The following MACROD2 variants were observed in gnomAD, a reference collection of about 807,000 sequenced individuals.
The protein encoded by MACROD2 is ADP-ribose glycohydrolase MACROD2.
MACROD2 carries 36 observed loss-of-function variants against 70.4 expected under a neutral mutation model. The observed-to-expected ratio is 0.51, with a 90% CI of 0.39 to 0.68. MACROD2 has a LOEUF of 0.68. Among genes scored for constraint, MACROD2 ranks in the 30% least tolerant of loss-of-function variants. MACROD2 has a pLI of 0.00. For synonymous variants in MACROD2, 172 were observed against 178.8 expected (o/e 0.96, Z 0.30); for missense variants, 496 against 538.4 (o/e 0.92, Z 0.78).
intron 8 of MACROD2, among the ~76,000 whole-genome samples, chr20:15,532,591 C>G (rs2047818598): frequency 6.9e-6 from 1 of 144,184 alleles, no homozygotes; most frequent in Admixed American, 6.9e-5. Flanking sequence ...AATTTTTTCT[C>G]TAAGTATACC....
chr20:14,652,927 C>T (rs1444934153), intron 4 of MACROD2, among the ~76,000 whole-genome samples: 1 of 152,128 alleles, frequency 6.6e-6, no homozygotes, highest in Non-Finnish European at 1.5e-5. Context: ...GCCTGTGTTG[C>T]AGTATAGCAA....
intron 3 of MACROD2, among the ~76,000 whole-genome samples, chr20:14,179,270 C>T (rs1166646444): frequency 2.0e-5 from 3 of 152,104 alleles, no homozygotes; most frequent in African/African-American, 7.2e-5. Context: ...TGAAATCTTT[C>T]TGATTGTAAG....
At chr20:15,727,997 T>G (rs1455965639) in intron 8 of MACROD2, among the ~76,000 whole-genome samples, 3 of 151,930 alleles carry the variant, frequency 2.0e-5, no homozygotes, top group African/African-American at 7.2e-5. Flanking sequence ...AGGGGAATGC[T>G]TCCAGCTTTT....
At chr20:15,201,724 C>G (rs2076657629) in intron 5 of MACROD2, among the ~76,000 whole-genome samples, 1 of 152,194 alleles carries the variant, frequency 6.6e-6, no homozygotes, top group Non-Finnish European at 1.5e-5. Context: ...ATTGCTAAGT[C>G]CTCCCTCCAC....
chr20:15,095,548 T>C (rs2075824603), intron 5 of MACROD2, among the ~76,000 whole-genome samples: 1 of 151,604 alleles, frequency 6.6e-6, no homozygotes, highest in Non-Finnish European at 1.5e-5. Flanking sequence ...GACAGGGTCT[T>C]GCTCTGTAGC....
Position 15,337,482 on chromosome 20 carries a change from T to C in MACROD2, c.541-93923T>C, listed in dbSNP as rs188326243. Among the ~76,000 whole-genome samples the C allele has an allele frequency of 1.6e-3, 240 of 151,938 alleles. 5 individuals carry two copies. The highest frequency in any genetic ancestry group is 5.6e-3 in the African/African-American group (229 of 41,188). ...AACGTCTGCATAAAGGTTTTATTTATGTTTTAATTGACTAATAAAAATTAC... is the reference window on the plus strand; with the variant it reads ...AACGTCTGCATAAAGGTTTTATTTACGTTTTAATTGACTAATAAAAATTAC... On this transcript the variant is annotated intron_variant, in intron 6 of 17. Transcript: ENST00000684519.
chr20:14,829,964 A>G (rs1044903876), intron 5 of MACROD2, among the ~76,000 whole-genome samples: 10 of 152,152 alleles, frequency 6.6e-5, no homozygotes, highest in Non-Finnish European at 1.2e-4. Context: ...AGAATATTGC[A>G]TGATGTAATA....
chr20:14,267,223 T>C (rs2082151438), intron 3 of MACROD2, among the ~76,000 whole-genome samples: 1 of 152,174 alleles, frequency 6.6e-6, no homozygotes, highest in Non-Finnish European at 1.5e-5. Context: ...TTAAATAATC[T>C]GTAGTTTGGT....
At chr20:15,406,670 G>A (rs1337284807) in intron 6 of MACROD2, among the ~76,000 whole-genome samples, 1 of 152,052 alleles carries the variant, frequency 6.6e-6, no homozygotes, top group Non-Finnish European at 1.5e-5. Flanking sequence ...TACTAGGCTG[G>A]GCAATTGAAC....
At chr20:14,833,587 T>C (rs144907993) in intron 5 of MACROD2, among the ~76,000 whole-genome samples, 2,428 of 152,226 alleles carry the variant, frequency 0.016, 36 homozygotes, top group Middle Eastern at 0.071. Context: ...AATTTAATGC[T>C]TGGAAACTTT....
At chr20:15,574,318 C>T (rs2048415797) in intron 8 of MACROD2, among the ~76,000 whole-genome samples, 1 of 152,178 alleles carries the variant, frequency 6.6e-6, no homozygotes. Context: ...ATTCCAAGAA[C>T]AACTCTGAAA....
intron 5 of MACROD2, among the ~76,000 whole-genome samples, chr20:14,747,247 A>G (rs1311702467): frequency 6.6e-6 from 1 of 152,176 alleles, no homozygotes; most frequent in Non-Finnish European, 1.5e-5. Flanking sequence ...GTGAGAACAC[A>G]GCCCAGCCAT....
chr20:15,948,211 C>T (rs549780789), intron 12 of MACROD2, among the ~76,000 whole-genome samples: 5 of 151,746 alleles, frequency 3.3e-5, no homozygotes, highest in Admixed American at 2.6e-4. Context: ...GTAAAGAGAG[C>T]TTACTAAAAT....
At chr20:15,740,904 C>T (rs1364988561) in intron 8 of MACROD2, among the ~76,000 whole-genome samples, 1 of 151,956 alleles carries the variant, frequency 6.6e-6, no homozygotes, top group Non-Finnish European at 1.5e-5. Context: ...CGCGTGCTAT[C>T]CTCTACAACA....
At chr20:14,458,933 A>G (rs1158563564) in intron 3 of MACROD2, among the ~76,000 whole-genome samples, 1 of 152,082 alleles carries the variant, frequency 6.6e-6, no homozygotes, top group Non-Finnish European at 1.5e-5. Context: ...TGAATTGTAG[A>G]CTAGTTTACA....
intron 8 of MACROD2, among the ~76,000 whole-genome samples, chr20:15,766,062 T>A (rs1370908934): frequency 6.6e-6 from 1 of 152,188 alleles, no homozygotes; most frequent in Non-Finnish European, 1.5e-5. Flanking sequence ...TTGTCATATT[T>A]CTCTTATGTT....
chr20:15,028,649 C>A (rs903169576), intron 5 of MACROD2, among the ~76,000 whole-genome samples: 1 of 152,092 alleles, frequency 6.6e-6, no homozygotes, highest in South Asian at 2.1e-4. Flanking sequence ...ATGGAAACCC[C>A]TACCTCCCTG....
At chr20:15,893,915 T>C in intron 10 of MACROD2, 1 of 456,636 alleles carries the variant, frequency 2.2e-6, no homozygotes. Context: ...AGAAGGAGGC[T>C]CAGCTAGGAA....
At chr20:14,569,324 T>TA (rs1035419342) in intron 4 of MACROD2, among the ~76,000 whole-genome samples, 41 of 151,968 alleles carry the variant, frequency 2.7e-4, no homozygotes, top group Admixed American at 1.6e-3. Flanking sequence ...TTTCTTCTCT[T>TA]AAAAAAAACT....
Sources: allele counts gnomAD v4.1 joint callset (sites outside exome capture counted in the v4.1 genomes callset), GRCh38; gene constraint gnomAD v4.1.1; transcripts MANE v1.5; gene names NCBI Gene and HGNC (gene_info 2026-07-23, HGNC 2026-07-21).